Variants in GPR107 observed in about 807,000 individuals in gnomAD.
The protein encoded by GPR107 is protein GPR107.
GPR107 carries 31 observed loss-of-function variants against 75.5 expected under a neutral mutation model. That is an observed-to-expected ratio of 0.41 (90% CI 0.31 to 0.55). The LOEUF (loss-of-function observed/expected upper bound fraction) is 0.55. Ranked by LOEUF, GPR107 falls within the 20% of genes least tolerant of loss-of-function variation. The probability of loss-of-function intolerance (pLI) is 0.26; values close to 1 mark genes in which losing one functional copy is unlikely to be tolerated. For synonymous variants in GPR107, 267 were observed against 251.3 expected, an observed-to-expected ratio of 1.06 and a Z score of -0.59; for missense variants, 572 against 665.7, an observed-to-expected ratio of 0.86 and a Z score of 1.55.
At chr9:130,061,918 C>G (rs1466108646) in intron 1 of GPR107, among the ~76,000 whole-genome samples, 1 of 151,706 alleles carries the variant, frequency 6.6e-6, no homozygotes, top group Admixed American at 6.6e-5. Context: ...GCACTCCAGC[C>G]TGGGTGACAG....
chr9:130,108,911 G>T, intron 14 of GPR107: 1 of 368,380 alleles, frequency 2.7e-6, no homozygotes, highest in Non-Finnish European at 5.2e-6. Context: ...CTTTCTTGGA[G>T]CCCAGTAAAG....
At chr9:130,085,102 C>T (rs960527646) in intron 6 of GPR107, among the ~76,000 whole-genome samples, 1 of 152,116 alleles carries the variant, frequency 6.6e-6, no homozygotes, top group African/African-American at 2.4e-5. Context: ...GGGAAGTCAT[C>T]CTGAGTTCCT....
intron 2 of GPR107, 63 bp from the exon 3 acceptor site, chr9:130,076,349 T>A: frequency 9.7e-7 from 1 of 1,032,170 alleles, no homozygotes; most frequent in East Asian, 2.4e-5. Flanking sequence ...TTCTGCTTTT[T>A]GAGTAAGAAA....
chr9:130,114,152 T>G (rs986702211), intron 14 of GPR107, among the ~76,000 whole-genome samples: 4 of 151,008 alleles, frequency 2.6e-5, no homozygotes, highest in Non-Finnish European at 5.9e-5. Flanking sequence ...ACGGATCAGT[T>G]GAGGTCAGGA....
At chr9:130,068,402 G>A (rs557312882) in intron 1 of GPR107, among the ~76,000 whole-genome samples, 3 of 147,142 alleles carry the variant, frequency 2.0e-5, no homozygotes, top group African/African-American at 7.5e-5. Flanking sequence ...GTTTTTACGC[G>A]GAATTCATTG....
At chr9:130,065,702 G>T (rs1296026912) in intron 1 of GPR107, among the ~76,000 whole-genome samples, 3 of 150,500 alleles carry the variant, frequency 2.0e-5, no homozygotes, top group Non-Finnish European at 4.4e-5. Context: ...AGGAGGTGGA[G>T]GTTGCAGTGA....
At chr9:130,076,803 C>T (rs1249590791) in intron 3 of GPR107, among the ~76,000 whole-genome samples, 2 of 151,956 alleles carry the variant, frequency 1.3e-5, no homozygotes, top group Non-Finnish European at 2.9e-5. Context: ...GTGAGCACCA[C>T]GCCTGGCCAC....
chr9:130,135,265 G>A lies in GPR107; in HGVS notation c.*144G>A, dbSNP rs782506184. On this transcript the variant is annotated 3_prime_UTR_variant, in exon 18 of 18. Transcript: ENST00000347136. Reference sequence around the variant, plus strand: ...GCACATGGCTGGAGCACAGTGCCGCGGAAACCTGATTTTGTACTCTCTTTT... The same window carrying A: ...GCACATGGCTGGAGCACAGTGCCGCAGAAACCTGATTTTGTACTCTCTTTT... The A allele has an allele frequency of 4.7e-5, 26 of 551,384 alleles. No homozygotes were observed. Among genetic ancestry groups the A allele is most frequent in the African/African-American group, 4.1e-4 (21 of 51,516 alleles). The allele number at this position is 551,384 out of a possible 1,614,324, so 34.2% of individuals were successfully genotyped here. A position where few individuals can be genotyped will look rare whatever the true frequency, so the allele number is the denominator to read the frequency against.
chr9:130,080,402 C>T (rs1209915376), intron 5 of GPR107, among the ~76,000 whole-genome samples: 2 of 152,072 alleles, frequency 1.3e-5, no homozygotes, highest in African/African-American at 4.8e-5. Flanking sequence ...TTATCATGTC[C>T]TAGCCAATAT....
chr9:130,124,701 T>C (rs1294176961), intron 14 of GPR107, among the ~76,000 whole-genome samples: 1 of 152,184 alleles, frequency 6.6e-6, no homozygotes, highest in African/African-American at 2.4e-5. Flanking sequence ...CTCCAGCTCA[T>C]GGGGCTCACT....
chr9:130,075,542 A>T (rs1469478215), intron 1 of GPR107, 94 bp from the exon 2 acceptor site: 3 of 691,822 alleles, frequency 4.3e-6, no homozygotes, highest in Admixed American at 2.2e-5. Flanking sequence ...CACCGTGCCC[A>T]GCCTGATATC....
chr9:130,106,860 C>T (rs898561796), intron 13 of GPR107, among the ~76,000 whole-genome samples: 1 of 152,058 alleles, frequency 6.6e-6, no homozygotes, highest in Non-Finnish European at 1.5e-5. Context: ...GTGCCCTGTT[C>T]AGCCCTCAGG....
At position 130,135,213 on chromosome 9, in the gene GPR107, A is replaced by C. The variant is rs1368472564; in HGVS notation, c.*92A>C. On this transcript the variant is annotated 3_prime_UTR_variant, in exon 18 of 18. Transcript: ENST00000347136. ...GCAGGAGCAGCTCCTACAGTGAACT[A>C]TTGGCACCACCGACAGTGACACCAG... 1.5e-6 allele frequency: 1 copy of C among 653,872 alleles called. No individual in the cohort carries two copies. The highest frequency in any genetic ancestry group is 2.8e-5 in the East Asian group (1 of 36,058). 40.5% of individuals were successfully genotyped at this position (653,872 alleles called of 1,614,324 possible).
chr9:130,138,170 T>C lies in GPR107; in HGVS notation c.*3049T>C, dbSNP rs947647747. 5 of 152,206 alleles carry C rather than the reference T, an allele frequency of 3.3e-5. No homozygotes were observed. Among genetic ancestry groups the C allele is most frequent in the Admixed American group, 6.5e-5 (1 of 15,278 alleles). 9.4% of individuals were successfully genotyped at this position (152,206 alleles called of 1,614,324 possible). On this transcript the variant is annotated 3_prime_UTR_variant, in exon 18 of 18. Transcript: ENST00000347136. ...AATGTTGAATATGACTCTAGTGACT[T>C]GTAGGAGGCACTTGTGAGGAGATGC...
At chr9:130,121,618 G>T (rs1047418136) in intron 14 of GPR107, among the ~76,000 whole-genome samples, 1 of 152,140 alleles carries the variant, frequency 6.6e-6, no homozygotes, top group Admixed American at 6.6e-5. Context: ...CTGAGCCTCC[G>T]CACCTGCTGT....
intron 13 of GPR107, among the ~76,000 whole-genome samples, chr9:130,106,818 C>T (rs2132619084): frequency 6.6e-6 from 1 of 152,054 alleles, no homozygotes; most frequent in South Asian, 2.1e-4. Flanking sequence ...TGTCAGACCA[C>T]AGCCGCCTTC....
intron 9 of GPR107, among the ~76,000 whole-genome samples, chr9:130,097,379 T>C (rs1402222653): frequency 6.6e-6 from 1 of 151,992 alleles, no homozygotes; most frequent in Non-Finnish European, 1.5e-5. Flanking sequence ...GGTCTTGAAC[T>C]CCTGGCCTCA....
chr9:130,117,208 T>TA (rs941649535), intron 14 of GPR107, among the ~76,000 whole-genome samples: 1 of 152,134 alleles, frequency 6.6e-6, no homozygotes, highest in Non-Finnish European at 1.5e-5. Flanking sequence ...CAGCCACCCA[T>TA]AGTGCTGAGA....
chr9:130,069,984 C>CTATT (rs1830160581), intron 1 of GPR107, among the ~76,000 whole-genome samples: 1 of 45,382 alleles, frequency 2.2e-5, no homozygotes, highest in African/African-American at 8.6e-5. Context: ...TGCCTGGCCT[C>CTATT]TTTTTTTTTT....
Sources: allele counts gnomAD v4.1 joint callset (sites outside exome capture counted in the v4.1 genomes callset), GRCh38; gene constraint gnomAD v4.1.1; transcripts MANE v1.5; gene names NCBI Gene and HGNC (gene_info 2026-07-23, HGNC 2026-07-21).